Variants in PCDH7 observed in about 807,000 individuals in gnomAD.
PCDH7 encodes protocadherin-7.
PCDH7 carries 17 observed loss-of-function variants against 58.9 expected under a neutral mutation model. That is an observed-to-expected ratio of 0.29 (90% CI 0.20 to 0.43). The LOEUF (loss-of-function observed/expected upper bound fraction) is 0.43, where lower values mean the gene tolerates loss of function less well. Among genes scored for constraint, PCDH7 ranks in the 20% least tolerant of loss-of-function variants. The pLI, the probability that PCDH7 is intolerant of heterozygous loss-of-function variation, is 1.00. For missense variants in PCDH7, 1,274 were observed against 1,441.0 expected (o/e 0.88, Z 1.88); for synonymous variants, 664 against 616.4 (o/e 1.08, Z -1.14).
rs1307858336 is a variant in PCDH7, at chr4:30,798,794, C to T, written c.70+74198C>T. Among the ~76,000 whole-genome samples the T allele has an allele frequency of 2.0e-5, 3 of 152,140 alleles. No individual in the cohort carries two copies. In the East Asian group the frequency reaches 5.8e-4, roughly 29 times the overall value. ...ATGGCCTCTCATTTCTACCTCTATC[C>T]TCTGAACTAACTGTTCAAGTTATAA... On this transcript the variant is annotated intron_variant, in intron 1 of 3. Transcript: ENST00000509759.
chr4:31,023,983 G>C (rs1263984806), intron 3 of PCDH7, among the ~76,000 whole-genome samples: 3 of 152,192 alleles, frequency 2.0e-5, no homozygotes, highest in African/African-American at 7.2e-5. Flanking sequence ...AGCACTGTCA[G>C]ACGCTTTGGA....
chr4:31,040,150 T>C (rs557630536), intron 3 of PCDH7, among the ~76,000 whole-genome samples: 1 of 152,334 alleles, frequency 6.6e-6, no homozygotes, highest in Admixed American at 6.5e-5. Flanking sequence ...TATACTGCAG[T>C]GTGTCTTGAC....
intron 1 of PCDH7, among the ~76,000 whole-genome samples, chr4:30,766,775 A>G (rs1369914116): frequency 6.6e-6 from 1 of 152,156 alleles, no homozygotes; most frequent in Non-Finnish European, 1.5e-5. Flanking sequence ...GAAAATTACC[A>G]AAAAGGATTT....
At chr4:30,873,460 A>AATACAAATTTAATTTGAGATCTGT (rs1553904834) in intron 1 of PCDH7, among the ~76,000 whole-genome samples, 68 of 149,514 alleles carry the variant, frequency 4.5e-4, no homozygotes, top group Non-Finnish European at 5.6e-4. Flanking sequence ...GTTAAAATTT[A>AATACAAATTTAATTTGAGATCTGT]ATACAAATTT....
At chr4:31,045,675 G>A (rs1342480686) in intron 3 of PCDH7, among the ~76,000 whole-genome samples, 2 of 151,888 alleles carry the variant, frequency 1.3e-5, no homozygotes, top group East Asian at 1.9e-4. Context: ...TCATAAATTC[G>A]ATTATTGCAA....
intron 3 of PCDH7, among the ~76,000 whole-genome samples, chr4:31,007,260 G>A (rs1220624513): frequency 1.3e-5 from 2 of 151,062 alleles, no homozygotes; most frequent in Non-Finnish European, 2.9e-5. Flanking sequence ...TTGTTGAGAA[G>A]AACAACTTAG....
rs1435215027 is a variant in PCDH7, at chr4:31,017,917, ACCTATAC to A, written c.*7+67705_*7+67711del. The stretch of plus-strand genomic sequence containing the variant: ...TTTTTCTGAAAACTAATATAATGAT[ACCTATAC>A]CCAATAATGTTAAGCAATAAAACTT... On this transcript the variant is annotated intron_variant, in intron 3 of 3. Transcript: ENST00000509759. Among the ~76,000 whole-genome samples, 3 of 152,106 alleles carry A rather than the reference ACCTATAC, an allele frequency of 2.0e-5. No individual in the cohort carries two copies. The East Asian group carries it at 5.8e-4, about 29-fold the overall frequency.
intron 1 of PCDH7, among the ~76,000 whole-genome samples, chr4:30,766,347 C>G (rs1446666624): frequency 6.6e-6 from 1 of 151,960 alleles, no homozygotes; most frequent in African/African-American, 2.4e-5. Flanking sequence ...CTGGGCAACA[C>G]AAGAAGGCTC....
chr4:31,104,724 T>A (rs538431845), intron 3 of PCDH7, among the ~76,000 whole-genome samples: 1 of 152,288 alleles, frequency 6.6e-6, no homozygotes, highest in East Asian at 1.9e-4. Context: ...ACAAACAGCA[T>A]CTGAATTACA....
At chr4:30,824,293 C>T (rs539720933) in intron 1 of PCDH7, among the ~76,000 whole-genome samples, 1 of 151,958 alleles carries the variant, frequency 6.6e-6, no homozygotes, top group Non-Finnish European at 1.5e-5. Context: ...TGTGTTCTCC[C>T]TCCATTCAAA....
intron 3 of PCDH7, among the ~76,000 whole-genome samples, chr4:31,099,250 G>T (rs111908585): frequency 6.6e-6 from 1 of 152,160 alleles, no homozygotes; most frequent in Non-Finnish European, 1.5e-5. Flanking sequence ...AAGTCACTGT[G>T]CCCTGTGTTG....
intron 1 of PCDH7, among the ~76,000 whole-genome samples, chr4:30,754,161 G>GGTGTGTGTGTGTGT (rs137965585): frequency 2.9e-5 from 4 of 138,582 alleles, no homozygotes; most frequent in African/African-American, 1.2e-4. Flanking sequence ...GCAAACACTA[G>GGTGTGTGTGTGTGT]GTGTGTGTGT....
chr4:31,131,873 G>T (rs1278363690), intron 3 of PCDH7, among the ~76,000 whole-genome samples: 3 of 151,996 alleles, frequency 2.0e-5, no homozygotes, highest in Non-Finnish European at 4.4e-5. Context: ...AAAAATGCAT[G>T]GGTGTCATAT....
At chr4:30,811,503 G>A (rs1727007227) in intron 1 of PCDH7, among the ~76,000 whole-genome samples, 1 of 152,080 alleles carries the variant, frequency 6.6e-6, no homozygotes, top group African/African-American at 2.4e-5. Flanking sequence ...GAAGTGCTAT[G>A]GAAAAAAGTC....
At chr4:30,894,952 T>G (rs149861539) in intron 1 of PCDH7, among the ~76,000 whole-genome samples, 4,195 of 151,956 alleles carry the variant, frequency 0.028, 190 homozygotes, top group African/African-American at 0.094. Flanking sequence ...AGCAAATTTG[T>G]AAGTGCTAAA....
At chr4:30,732,726 T>C (rs1351791395) in exon 2 of PCDH7, 2 of 152,054 alleles carry the variant, frequency 1.3e-5, no homozygotes, top group African/African-American at 4.8e-5. Flanking sequence ...TGAAAAGGTT[T>C]GAGAACCAGC....
intron 3 of PCDH7, among the ~76,000 whole-genome samples, chr4:31,056,803 C>T (rs1437179823): frequency 6.6e-6 from 1 of 152,224 alleles, no homozygotes; most frequent in Non-Finnish European, 1.5e-5. Flanking sequence ...TGGTCTTGAA[C>T]TCCTGACTTC....
chr4:31,062,128 T>C (rs1757737503), intron 3 of PCDH7, among the ~76,000 whole-genome samples: 3 of 151,698 alleles, frequency 2.0e-5, no homozygotes. Flanking sequence ...AGATGGTATC[T>C]AAAATGTGGC....
At chr4:30,760,946 AC>A (rs1389600006) in intron 1 of PCDH7, among the ~76,000 whole-genome samples, 1 of 152,120 alleles carries the variant, frequency 6.6e-6, no homozygotes, top group Non-Finnish European at 1.5e-5. Context: ...ATTAAGAAAG[AC>A]CCACAAGCTT....
Sources: allele counts gnomAD v4.1 joint callset (sites outside exome capture counted in the v4.1 genomes callset), GRCh38; gene constraint gnomAD v4.1.1; transcripts MANE v1.5; gene names NCBI Gene and HGNC (gene_info 2026-07-23, HGNC 2026-07-21).